Variants in TBCD observed in about 807,000 individuals in gnomAD.
TBCD encodes the protein tubulin folding cofactor D, also known as tubulin-specific chaperone D.
Under a neutral mutation model 169.3 loss-of-function variants are expected in TBCD, and 105 were observed. The observed-to-expected ratio is 0.62, with a 90% CI of 0.53 to 0.73. TBCD has a LOEUF of 0.73. TBCD is among the 30% of genes least tolerant of loss of function. The probability of loss-of-function intolerance (pLI) is 0.00; values close to 1 mark genes in which losing one functional copy is unlikely to be tolerated. For synonymous variants in TBCD, 700 were observed against 643.9 expected, an observed-to-expected ratio of 1.09 and a Z score of -1.32; for missense variants, 1,444 against 1,600.1, an observed-to-expected ratio of 0.90 and a Z score of 1.66.
intron 13 of TBCD, among the ~76,000 whole-genome samples, chr17:82,838,212 A>G (rs2054149431): frequency 6.6e-6 from 1 of 152,134 alleles, no homozygotes; most frequent in Non-Finnish European, 1.5e-5. Flanking sequence ...TGTCTTTCCA[A>G]AGGTTCCTAA....
intron 20 of TBCD, among the ~76,000 whole-genome samples, chr17:82,906,741 C>T (rs533929441): frequency 4.9e-4 from 75 of 152,354 alleles, no homozygotes; most frequent in Non-Finnish European, 7.3e-4. Flanking sequence ...GGGTTGAGAG[C>T]AGGGTATGGG....
intron 13 of TBCD, among the ~76,000 whole-genome samples, chr17:82,850,423 G>GTTA (rs199671459): frequency 6.8e-6 from 1 of 146,416 alleles, no homozygotes; most frequent in African/African-American, 2.5e-5. Context: ...CTGTGCTGTT[G>GTTA]GCTGTGCTGT....
chr17:82,759,520 C>T (rs2047637280), intron 2 of TBCD, among the ~76,000 whole-genome samples: 1 of 152,092 alleles, frequency 6.6e-6, no homozygotes, highest in South Asian at 2.1e-4. Flanking sequence ...GGGTCAGGGT[C>T]ACGCTGTGTT....
At chr17:82,834,070 G>A (rs982736707) in intron 13 of TBCD, among the ~76,000 whole-genome samples, 1 of 151,986 alleles carries the variant, frequency 6.6e-6, no homozygotes, top group African/African-American at 2.4e-5. Context: ...TCAGCCTCCC[G>A]AGTAGCTGGA....
rs1263110597 is a variant in TBCD at position 82,758,396 on chromosome 17, A to AT, written c.235+2181_235+2182insT. 5.2e-3 allele frequency among the ~76,000 whole-genome samples: 645 copies of AT among 123,144 alleles called. 3 individuals are homozygous for AT. The highest frequency in any genetic ancestry group is 0.017 in the African/African-American group (602 of 36,356). The allele number at this position is 123,144 out of a possible 152,430, so 80.8% of individuals were successfully genotyped here. A position where few individuals can be genotyped will look rare whatever the true frequency, so the allele number is the denominator to read the frequency against. ...CGAAAACGTCTCGGAAAAAAAAAAA[A>AT]AAAAAAATAAATAAATAAATAAATT... On this transcript the variant is annotated intron_variant, in intron 2 of 38. Coordinates refer to ENST00000355528, the MANE Select transcript of TBCD (RefSeq NM_005993.5).
rs1190877900 is a variant in TBCD, at chr17:82,832,234, T to C, written c.1318+17300T>C. On this transcript the variant is annotated intron_variant, in intron 13 of 38. Transcript: ENST00000355528. This position sits in a 1 kb window ranked among gnomAD's most constrained non-coding sequence, Gnocchi z 4.9. ...CGTGGCATCGGGCTGGTTGGTTTGC[T>C]TGGGGTCTAGTGAGTTAGATTTAGG... The C allele has an allele frequency of 1.9e-6, 3 of 1,614,236 alleles. No homozygotes were observed. The South Asian group carries it at 3.3e-5, about 18-fold the overall frequency.
chr17:82,896,537 C>T (rs1306091733), intron 17 of TBCD, among the ~76,000 whole-genome samples: 1 of 149,104 alleles, frequency 6.7e-6, no homozygotes, highest in Non-Finnish European at 1.5e-5. Context: ...GCAATCGCGG[C>T]TCCCTGCAGC....
intron 9 of TBCD, 69 bp from the exon 10 acceptor site, chr17:82,805,806 A>G: frequency 6.5e-7 from 1 of 1,537,160 alleles, no homozygotes; most frequent in Non-Finnish European, 8.9e-7. Flanking sequence ...GTGACACTGA[A>G]TGACTGGTTC....
At chr17:82,778,732 G>T (rs569715833) in intron 6 of TBCD, among the ~76,000 whole-genome samples, 1 of 44 alleles carries the variant, frequency 0.023, no homozygotes, top group African/African-American at 0.071. Context: ...CGTGATCTCA[G>T]CTCCACTGAA....
At chr17:82,787,197 GTCCTGCCGTTT>G (rs1410799991) in intron 7 of TBCD, among the ~76,000 whole-genome samples, 22 of 152,258 alleles carry the variant, frequency 1.4e-4, no homozygotes, top group African/African-American at 5.1e-4. Context: ...GAGGCGTGCT[GTCCTGCCGTTT>G]AGGGCAGAGC....
chr17:82,765,510 G>A (rs1028275003), intron 3 of TBCD, among the ~76,000 whole-genome samples: 1 of 152,220 alleles, frequency 6.6e-6, no homozygotes, highest in Non-Finnish European at 1.5e-5. Context: ...AGCCGTCTCA[G>A]GGTGGGGCTT....
chr17:82,941,688 G>A (rs1160831400), intron 38 of TBCD: 3 of 569,222 alleles, frequency 5.3e-6, no homozygotes, highest in Non-Finnish European at 9.2e-6. Flanking sequence ...TGGCATCCAG[G>A]CCACTTGCTC....
At position 82,887,162 on chromosome 17, in the gene TBCD, TGTGTGTGC is replaced by T. The variant is rs1425412429; in HGVS notation, c.1534-2504_1534-2497del. Among the ~76,000 whole-genome samples the T allele has an allele frequency of 1.4e-4, 15 of 107,328 alleles. 1 individual carries two copies. The highest frequency in any genetic ancestry group is 6.7e-4 in the South Asian group (2 of 3,002). 70.4% of individuals were successfully genotyped at this position (107,328 alleles called of 152,430 possible). A position where few individuals can be genotyped will look rare whatever the true frequency, so the allele number is the denominator to read the frequency against. On this transcript the variant is annotated intron_variant, in intron 15 of 38. Transcript: ENST00000355528. ...GTGTGTGTGTGTGTGTGTGTGTGTG[TGTGTGTGC>T]GCGCGCGCGCACGTGCGCTCACGCG...
chr17:82,850,514 GC>G (rs2055690732), intron 13 of TBCD, among the ~76,000 whole-genome samples: 1 of 93,802 alleles, frequency 1.1e-5, no homozygotes, highest in Admixed American at 1.3e-4. Flanking sequence ...TGTTGGCTGT[GC>G]TGTTGTTGGC....
chr17:82,756,235 A>C lies in TBCD; in HGVS notation c.235+20A>C. The C allele has an allele frequency of 3.1e-6, 5 of 1,600,390 alleles. No homozygotes were observed. The highest frequency in any genetic ancestry group is 4.3e-6 in the Non-Finnish European group (5 of 1,172,874). Reference sequence around the variant, plus strand: ...ACCTTGGTAAGAATAGAAGCTGCTGATTTTGATCATTCAGTTACAGATGAC... The same window carrying C: ...ACCTTGGTAAGAATAGAAGCTGCTGCTTTTGATCATTCAGTTACAGATGAC... On this transcript the variant is annotated intron_variant, in intron 2 of 38. Transcript: ENST00000355528.
chr17:82,940,221 G>C (rs11869557), intron 37 of TBCD, among the ~76,000 whole-genome samples: 7 of 131,700 alleles, frequency 5.3e-5, no homozygotes, highest in Non-Finnish European at 1.2e-4. Flanking sequence ...TTGCACGCGC[G>C]CACACACACA....
intron 37 of TBCD, among the ~76,000 whole-genome samples, chr17:82,940,753 T>A (rs1454574199): frequency 8.4e-6 from 1 of 119,572 alleles, no homozygotes; most frequent in Admixed American, 7.8e-5. Flanking sequence ...TTTACAATGA[T>A]TTTTTTAAAA....
intron 18 of TBCD, among the ~76,000 whole-genome samples, chr17:82,901,400 A>C (rs548748461): frequency 2.0e-5 from 3 of 152,232 alleles, no homozygotes; most frequent in African/African-American, 7.2e-5. Flanking sequence ...TCTCAGTTTC[A>C]GAGTTGGTGT....
chr17:82,781,470 TGGTGTAAG>T (rs2048943581), intron 6 of TBCD, 111 bp from the exon 7 acceptor site: 3 of 1,286,894 alleles, frequency 2.3e-6, no homozygotes, highest in Non-Finnish European at 3.2e-6. Flanking sequence ...GCTGGCATCT[TGGTGTAAG>T]GGTGCGTGAG....
Sources: allele counts gnomAD v4.1 joint callset (sites outside exome capture counted in the v4.1 genomes callset), GRCh38; gene constraint gnomAD v4.1.1; non-coding constraint Gnocchi (gnomAD v3.1); transcripts MANE v1.5; gene names NCBI Gene and HGNC (gene_info 2026-07-23, HGNC 2026-07-21).